The following ARID5B variants were observed in gnomAD, a reference collection of about 807,000 sequenced individuals.
ARID5B encodes AT-rich interactive domain-containing protein 5B.
In ARID5B, 13 loss-of-function variants were observed where a neutral mutation model predicts 97.2. The ratio of observed to expected loss-of-function variants is 0.13; its 90% CI spans 0.09 to 0.21. The LOEUF (loss-of-function observed/expected upper bound fraction) is 0.21, where lower values mean the gene tolerates loss of function less well. ARID5B is among the 10% of genes least tolerant of loss of function. The pLI is 1.00. For missense variants in ARID5B, 1,210 were observed against 1,465.3 expected (o/e 0.83, Z 2.84); for synonymous variants, 556 against 570.3 (o/e 0.97, Z 0.36).
Position 62,000,328 on chromosome 10 carries a change from CTTTT to C in ARID5B, c.733+17_733+20del. ...AGTATATGCGATGAGTTTGGTGAGT[CTTTT>C]TTTTTTTTTCCTACCTGATTCTTGT... On this transcript the variant is annotated splice_region_variant and intron_variant, in intron 4 of 9. Coordinates refer to ENST00000279873, the MANE Select transcript of ARID5B (RefSeq NM_032199.3). This position sits in a 1 kb window ranked among gnomAD's most constrained non-coding sequence, Gnocchi z 4.4. 7.4e-6 allele frequency: 10 copies of C among 1,348,458 alleles called. No individual in the cohort carries two copies. Among genetic ancestry groups the C allele is most frequent in the East Asian group, 2.6e-5 (1 of 38,734 alleles). 83.5% of individuals were successfully genotyped at this position (1,348,458 alleles called of 1,614,324 possible).
chr10:61,954,538 G>C (rs189072534), intron 3 of ARID5B, among the ~76,000 whole-genome samples: 5 of 152,230 alleles, frequency 3.3e-5, no homozygotes, highest in Non-Finnish European at 7.4e-5. Flanking sequence ...AATTCAGAAT[G>C]TACTCTGGAT....
chr10:62,091,187 A>G lies in ARID5B; in HGVS notation c.1724A>G (p.Gln575Arg), dbSNP rs753930933. The change falls in exon 10 of 10, where the codon CAA becomes CGA. Residue 575 changes from glutamine (Q) to arginine (R), a missense_variant. By Grantham distance (43) the Gln-to-Arg change is conservative. Transcript: ENST00000279873. ...TSPSALVDSK[Q>R]ESKLCCFTES... ...CCTAGTGCCCTGGTGGACTCAAAAC[A>G]AGAATCCAAACTGTGCTGTTTTACA... 13 of 1,614,144 alleles carry G rather than the reference A, an allele frequency of 8.1e-6. No individual in the cohort carries two copies. In the South Asian group the frequency reaches 1.3e-4, roughly 16 times the overall value.
chr10:61,949,976 A>G (rs1347474628), intron 3 of ARID5B, among the ~76,000 whole-genome samples: 1 of 152,144 alleles, frequency 6.6e-6, no homozygotes, highest in East Asian at 1.9e-4. Context: ...AAGTGGGTCT[A>G]TTGTGAAGGA....
intron 3 of ARID5B, among the ~76,000 whole-genome samples, chr10:61,958,232 G>T (rs1265600082): frequency 1.3e-5 from 2 of 152,096 alleles, no homozygotes; most frequent in African/African-American, 4.8e-5. Flanking sequence ...AAAAGAGTAG[G>T]CATTGTGACC....
At chr10:61,940,942 TATATATATATATATATATATATA>T (rs1340943513) in intron 3 of ARID5B, among the ~76,000 whole-genome samples, 4 of 9,464 alleles carry the variant, frequency 4.2e-4, no homozygotes, top group Non-Finnish European at 9.5e-4. Context: ...TATATATATA[TATATATATATATATATATATATA>T]TTTTTTTTTT....
intron 3 of ARID5B, among the ~76,000 whole-genome samples, chr10:61,971,901 C>T (rs987992344): frequency 6.6e-6 from 1 of 152,102 alleles, no homozygotes; most frequent in Admixed American, 6.6e-5. Context: ...GTTACAAAAA[C>T]ATGAAAGTTT....
intron 3 of ARID5B, among the ~76,000 whole-genome samples, chr10:61,943,751 AAAC>A (rs1374172732): frequency 1.3e-5 from 2 of 152,068 alleles, no homozygotes; most frequent in Non-Finnish European, 2.9e-5. Context: ...TAAAAAAAAA[AAAC>A]AAGAATGTTC....
chr10:61,984,373 A>C (rs1460575869), intron 3 of ARID5B, among the ~76,000 whole-genome samples: 1 of 152,268 alleles, frequency 6.6e-6, no homozygotes, highest in Non-Finnish European at 1.5e-5. Flanking sequence ...CGCTGACTGC[A>C]TGAGGAAAGC....
At chr10:61,989,505 A>G (rs1838893291) in intron 3 of ARID5B, among the ~76,000 whole-genome samples, 1 of 152,220 alleles carries the variant, frequency 6.6e-6, no homozygotes, top group Non-Finnish European at 1.5e-5. Flanking sequence ...AATGTTAAAC[A>G]TGATAGGAAA....
At chr10:61,936,131 A>G (rs1844295515) in intron 2 of ARID5B, among the ~76,000 whole-genome samples, 1 of 152,060 alleles carries the variant, frequency 6.6e-6, no homozygotes, top group Non-Finnish European at 1.5e-5. Context: ...TCCAAATTTT[A>G]TTTTCATAGC....
intron 4 of ARID5B, among the ~76,000 whole-genome samples, chr10:62,035,893 C>T (rs551885099): frequency 5.3e-5 from 8 of 152,138 alleles, no homozygotes; most frequent in Admixed American, 2.0e-4. Context: ...GGCACGATCT[C>T]GGCTCACTTC....
intron 8 of ARID5B, among the ~76,000 whole-genome samples, chr10:62,074,973 C>G (rs1840108831): frequency 6.6e-6 from 1 of 152,154 alleles, no homozygotes; most frequent in African/African-American, 2.4e-5. Context: ...TTCCATTTTT[C>G]TAGTAATTCA....
Position 62,085,726 on chromosome 10 carries a change from T to C in ARID5B, c.1224T>C (p.Phe408=), listed in dbSNP as rs376297177. 3 of 1,609,276 alleles carry C rather than the reference T, an allele frequency of 1.9e-6. No individual in the cohort carries two copies. The highest frequency in any genetic ancestry group is 2.5e-6 in the Non-Finnish European group (3 of 1,178,874). ...GATTAATCCTACCATATGAAAGATT[T>C]ATTAAAGGAGAAGAAGATAAGCCCC... ...YERLILPYER[F]IKGEEDKPLP... Residue 408 remains phenylalanine (F), a synonymous_variant, in exon 9 of 10, where the codon TTT becomes TTC. Coordinates refer to ENST00000279873, the MANE Select transcript of ARID5B (RefSeq NM_032199.3).
intron 4 of ARID5B, among the ~76,000 whole-genome samples, chr10:62,032,629 C>T (rs1332384008): frequency 6.6e-6 from 1 of 152,136 alleles, no homozygotes; most frequent in Non-Finnish European, 1.5e-5. Context: ...GCAGGAGAAT[C>T]GCTTGAACCC....
intron 3 of ARID5B, among the ~76,000 whole-genome samples, chr10:61,966,431 G>A (rs938826213): frequency 6.6e-6 from 1 of 152,028 alleles, no homozygotes; most frequent in African/African-American, 2.4e-5. Context: ...GTAAGGAATT[G>A]CAAAAATTCA....
intron 3 of ARID5B, among the ~76,000 whole-genome samples, chr10:61,951,014 A>T (rs997799199): frequency 6.6e-6 from 1 of 152,176 alleles, no homozygotes; most frequent in African/African-American, 2.4e-5. Context: ...TCTTTTGAAC[A>T]GTTTGTTTAA....
intron 4 of ARID5B, among the ~76,000 whole-genome samples, chr10:62,036,594 C>T (rs1839567908): frequency 6.6e-6 from 1 of 152,214 alleles, no homozygotes; most frequent in Non-Finnish European, 1.5e-5. Context: ...GGCATATGAA[C>T]ACAGTGGGAA....
At chr10:61,994,049 C>A (rs1415223399) in intron 3 of ARID5B, among the ~76,000 whole-genome samples, 1 of 152,078 alleles carries the variant, frequency 6.6e-6, no homozygotes, top group East Asian at 1.9e-4. Flanking sequence ...ACTTAGCCTT[C>A]ATACATATTT....
intron 9 of ARID5B, among the ~76,000 whole-genome samples, chr10:62,087,823 A>G (rs1316183074): frequency 6.6e-6 from 1 of 151,932 alleles, no homozygotes; most frequent in African/African-American, 2.4e-5. Flanking sequence ...TAATTATTTT[A>G]AGCTCTAGTA....
Sources: allele counts gnomAD v4.1 joint callset (sites outside exome capture counted in the v4.1 genomes callset), GRCh38; gene constraint gnomAD v4.1.1; non-coding constraint Gnocchi (gnomAD v3.1); transcripts MANE v1.5; gene names NCBI Gene and HGNC (gene_info 2026-07-23, HGNC 2026-07-21).